The following HSF2 variants were observed in gnomAD, a reference collection of about 807,000 sequenced individuals.
The protein encoded by HSF2 is heat shock transcription factor 2.
In HSF2, 21 loss-of-function variants were observed where a neutral mutation model predicts 65.0. That is an observed-to-expected ratio of 0.32 (90% CI 0.23 to 0.47). The LOEUF (loss-of-function observed/expected upper bound fraction) is 0.47, where lower values mean the gene tolerates loss of function less well. Ranked by LOEUF, HSF2 falls within the 20% of genes least tolerant of loss-of-function variation. The pLI is 1.00. For missense variants in HSF2, 499 were observed against 628.1 expected (o/e 0.79, Z 2.20); for synonymous variants, 225 against 219.1 (o/e 1.03, Z -0.24).
chr6:122,400,220 C>T (rs1160667963), intron 1 of HSF2, among the ~76,000 whole-genome samples: 1 of 152,094 alleles, frequency 6.6e-6, no homozygotes, highest in African/African-American at 2.4e-5. Context: ...TTACAAATCG[C>T]GGAGGGGACA....
chr6:122,403,697 A>G (rs1219099066), intron 1 of HSF2, among the ~76,000 whole-genome samples: 1 of 152,164 alleles, frequency 6.6e-6, no homozygotes, highest in African/African-American at 2.4e-5. Context: ...AAAAATGAAA[A>G]GTTTTCATTT....
At chr6:122,408,616 A>T (rs116274055) in intron 1 of HSF2, among the ~76,000 whole-genome samples, 1,821 of 152,212 alleles carry the variant, frequency 0.012, 43 homozygotes, top group African/African-American at 0.042. Context: ...TTGATAATAA[A>T]TCAGTGAGCA....
intron 6 of HSF2, 59 bp from the exon 7 acceptor site, chr6:122,420,072 TAGAG>T (rs1381690524): frequency 1.2e-5 from 18 of 1,520,406 alleles, no homozygotes; most frequent in South Asian, 7.8e-5. Flanking sequence ...GGTAAGTTAA[TAGAG>T]GGAGTTTAAA....
chr6:122,407,676 T>G (rs1283748854), intron 1 of HSF2, among the ~76,000 whole-genome samples: 1 of 152,198 alleles, frequency 6.6e-6, no homozygotes, highest in African/African-American at 2.4e-5. Flanking sequence ...GTTTGTGGCT[T>G]TTTACATTTT....
At chr6:122,420,737 G>C (rs776303973) in intron 7 of HSF2, among the ~76,000 whole-genome samples, 1 of 84,694 alleles carries the variant, frequency 1.2e-5, no homozygotes, top group Non-Finnish European at 2.3e-5. Flanking sequence ...TTTGAGATGG[G>C]ATTTCACTCT....
In HSF2 at chr6:122,431,488, A is replaced by G; in HGVS notation, c.1289A>G (p.Glu430Gly). The change falls in exon 12 of 13, where the codon GAG (glutamate) becomes GGG (glycine). Residue 430 changes from glutamate (E) to glycine (G), a missense_variant. Glu to Gly is a moderately conservative substitution (Grantham distance 98). Coordinates refer to ENST00000368455, the MANE Select transcript of HSF2 (RefSeq NM_004506.4). ...KNNVVQPVSE[E>G]GRKSKSKPDK... ...AATGTAGTTCAGCCAGTTTCGGAAG[A>G]GGGAAGAAAATCTAAATCCAAACCA... is the stretch of plus-strand genomic sequence containing the variant. 1.3e-6 allele frequency: 2 copies of G among 1,591,862 alleles called. No homozygotes were observed. Among genetic ancestry groups the G allele is most frequent in the East Asian group, 4.5e-5 (2 of 44,208 alleles).
intron 1 of HSF2, among the ~76,000 whole-genome samples, chr6:122,401,181 A>G (rs376323144): frequency 3.3e-5 from 5 of 152,190 alleles, no homozygotes; most frequent in African/African-American, 9.6e-5. Flanking sequence ...GAGTGTTTCT[A>G]TTAAGCATTT....
intron 7 of HSF2, among the ~76,000 whole-genome samples, chr6:122,421,370 A>G (rs45456200): frequency 6.6e-6 from 1 of 152,162 alleles, no homozygotes; most frequent in East Asian, 1.9e-4. Flanking sequence ...CTCACATCTG[A>G]TTTCTTTTCC....
At chr6:122,415,110 A>G (rs182005031) in intron 4 of HSF2, among the ~76,000 whole-genome samples, 3 of 152,352 alleles carry the variant, frequency 2.0e-5, no homozygotes, top group African/African-American at 7.2e-5. Flanking sequence ...TAAAGCATTT[A>G]ATAGGTATTC....
chr6:122,406,728 G>T (rs1214368167), intron 1 of HSF2, among the ~76,000 whole-genome samples: 2 of 152,174 alleles, frequency 1.3e-5, no homozygotes, highest in African/African-American at 4.8e-5. Context: ...AGATGTTAGA[G>T]ATTCTTTTTG....
chr6:122,399,609 T>TGGGGGGGC (rs1773662762), upstream of HSF2: 1 of 674,446 alleles, frequency 1.5e-6, no homozygotes, highest in African/African-American at 2.1e-5. Context: ...CTGGCGGGGT[T>TGGGGGGGC]GGGGGGGCGG....
intron 1 of HSF2, among the ~76,000 whole-genome samples, chr6:122,400,963 T>C (rs1482007357): frequency 6.6e-6 from 1 of 152,240 alleles, no homozygotes; most frequent in African/African-American, 2.4e-5. Context: ...ATAGGAACTC[T>C]TAGTTTTATT....
chr6:122,429,004 G>T (rs1288496864), intron 11 of HSF2, among the ~76,000 whole-genome samples: 1 of 152,062 alleles, frequency 6.6e-6, no homozygotes, highest in Non-Finnish European at 1.5e-5. Flanking sequence ...TCATAACTAT[G>T]CAGTTCTGCA....
At chr6:122,422,613 T>C in intron 8 of HSF2, 105 bp from the exon 9 acceptor site, 2 of 1,188,154 alleles carry the variant, frequency 1.7e-6, no homozygotes. Context: ...ATTTAAGCCT[T>C]TCAGTATGTG....
chr6:122,411,612 T>A lies in HSF2; in HGVS notation c.94-761T>A, dbSNP rs45512805. Among the ~76,000 whole-genome samples, 159 of 152,028 alleles carry A rather than the reference T, an allele frequency of 1.0e-3. 1 individual carries two copies. Among genetic ancestry groups the A allele is most frequent in the Admixed American group, 6.1e-3 (93 of 15,270 alleles). ...TTGAAGTTAGTTTTTATATATGTTA[T>A]CAGATAAGGGTCTAACTTCATTTTT... On this transcript the variant is annotated intron_variant, in intron 1 of 12. Coordinates refer to ENST00000368455, the MANE Select transcript of HSF2 (RefSeq NM_004506.4).
intron 10 of HSF2, among the ~76,000 whole-genome samples, chr6:122,425,586 A>G (rs1281324069): frequency 6.6e-6 from 1 of 152,066 alleles, no homozygotes; most frequent in Non-Finnish European, 1.5e-5. Flanking sequence ...GGCATTCTGT[A>G]CAATAGAACT....
At chr6:122,414,886 G>C (rs917568071) in intron 4 of HSF2, among the ~76,000 whole-genome samples, 26 of 152,108 alleles carry the variant, frequency 1.7e-4, no homozygotes, top group African/African-American at 6.0e-4. Context: ...CAAAGTGCTG[G>C]AATTACAGGC....
chr6:122,431,383 A>T (rs972852462), intron 11 of HSF2, 47 bp from the exon 12 acceptor site: 4 of 926,410 alleles, frequency 4.3e-6, no homozygotes, highest in Admixed American at 3.2e-5. Context: ...TTTTTCAGAA[A>T]CATAAAATAT....
chr6:122,418,156 C>T (rs1737828226), intron 5 of HSF2, among the ~76,000 whole-genome samples: 1 of 152,124 alleles, frequency 6.6e-6, no homozygotes. Context: ...AAATAGTGCT[C>T]CAATCAATTT....
Sources: gnomAD v4.1 joint callset for allele counts (sites outside exome capture counted in the v4.1 genomes callset) on GRCh38, gnomAD v4.1.1 for gene constraint, MANE v1.5 for transcripts, NCBI Gene and HGNC (gene_info 2026-07-23, HGNC 2026-07-21) for gene names.